Variants in ARHGAP18 observed in about 807,000 individuals in gnomAD.
ARHGAP18 encodes rho GTPase-activating protein 18.
Under a neutral mutation model 86.2 loss-of-function variants are expected in ARHGAP18, and 67 were observed. That is an observed-to-expected ratio of 0.78 (90% CI 0.64 to 0.95). The LOEUF is 0.95. ARHGAP18 is among the 40% of genes least tolerant of loss of function. ARHGAP18 has a pLI of 0.00. For missense variants in ARHGAP18, 691 were observed against 780.4 expected, an observed-to-expected ratio of 0.89 and a Z score of 1.37; for synonymous variants, 283 against 280.4, an observed-to-expected ratio of 1.01 and a Z score of -0.09.
intron 5 of ARHGAP18, among the ~76,000 whole-genome samples, chr6:129,628,980 T>C (rs1258345977): frequency 6.6e-6 from 1 of 152,172 alleles, no homozygotes; most frequent in Non-Finnish European, 1.5e-5. Flanking sequence ...AAAGAGGTTA[T>C]AAAATATTAA....
intron 12 of ARHGAP18, chr6:129,598,873 T>C (rs965838079): frequency 1.3e-5 from 2 of 158,720 alleles, no homozygotes; most frequent in African/African-American, 4.8e-5. Context: ...TTACTCACTA[T>C]AGATTATATA....
chr6:129,683,055 CTTTTTTT>C (rs199633610), intron 1 of ARHGAP18, among the ~76,000 whole-genome samples: 2 of 139,090 alleles, frequency 1.4e-5, no homozygotes, highest in Non-Finnish European at 3.1e-5. Flanking sequence ...TTTGTTTTTT[CTTTTTTT>C]TTTTTTGTTT....
chr6:129,590,605 C>T (rs946868169), intron 12 of ARHGAP18, among the ~76,000 whole-genome samples: 7 of 152,140 alleles, frequency 4.6e-5, no homozygotes, highest in African/African-American at 1.7e-4. Flanking sequence ...GAGGTTAAGC[C>T]ACCTTTGAGC....
chr6:129,680,994 C>T (rs1392323712), intron 1 of ARHGAP18, among the ~76,000 whole-genome samples: 1 of 152,202 alleles, frequency 6.6e-6, no homozygotes, highest in Admixed American at 6.5e-5. Flanking sequence ...CCTGACTCGC[C>T]TCCTTCTCTA....
rs542904850 is a variant in ARHGAP18 at position 129,586,453 on chromosome 6, G to A, written c.1714-2341C>T. ...TTACTATTGTGGAGGGACTTGAACG[G>A]CAGGCTAGAGTTTACAGATAGCCAT... is the stretch of plus-strand genomic sequence containing the variant. On this transcript the variant is annotated intron_variant, in intron 12 of 14. Coordinates refer to ENST00000368149, the MANE Select transcript of ARHGAP18 (RefSeq NM_033515.3). Among the ~76,000 whole-genome samples, 7 of 152,110 alleles carry A rather than the reference G, an allele frequency of 4.6e-5. No homozygotes were observed. The East Asian group carries it at 9.7e-4, about 21-fold the overall frequency.
At chr6:129,625,458 T>A (rs796626917) in intron 5 of ARHGAP18, among the ~76,000 whole-genome samples, 5 of 37,436 alleles carry the variant, frequency 1.3e-4, no homozygotes, top group South Asian at 1.5e-3. Context: ...TATTATATAT[T>A]ATATATAATA....
At chr6:129,621,321 G>A (rs183618787) in intron 5 of ARHGAP18, among the ~76,000 whole-genome samples, 1 of 152,160 alleles carries the variant, frequency 6.6e-6, no homozygotes, top group Non-Finnish European at 1.5e-5. Context: ...TCAAAAGAGA[G>A]CCTTCAAGTC....
At position 129,600,774 on chromosome 6, in the gene ARHGAP18, C is replaced by G. The variant is rs754390011; in HGVS notation, c.1440G>C (p.Met480Ile). The change falls in exon 11 of 15, where the codon ATG becomes ATC. Residue 480 changes from methionine to isoleucine, a missense_variant. By Grantham distance (10) the Met-to-Ile change is conservative (BLOSUM62 1). Coordinates refer to ENST00000368149, the MANE Select transcript of ARHGAP18 (RefSeq NM_033515.3). ...KNKMTVMNVA[M>I]VMAPNLFMCH... ...ACATAAAGAGATTCGGGGCCATGAC[C>G]ATTGCTACATTCATGACTGTCATTT... 6.2e-7 allele frequency: 1 copy of G among 1,613,632 alleles called. No individual in the cohort carries two copies. Among genetic ancestry groups the G allele is most frequent in the South Asian group, 1.1e-5 (1 of 91,066 alleles).
In ARHGAP18 at chr6:129,641,816, C is replaced by G; in HGVS notation, c.316G>C (p.Glu106Gln). The change falls in exon 2 of 15, where the codon GAG becomes CAG. Residue 106 changes from glutamate to glutamine, a missense_variant and splice_region_variant. Physicochemically the swap from Glu to Gln is conservative, Grantham distance 29 (BLOSUM62 2). Transcript: ENST00000368149. ...QEVVVVKEPD[E>Q]GELEEEWLKE... is the part of the protein sequence containing the mutation. ...AAAGCTTTATTTAGTTAGTTATTAC[C>G]ATCAGGCTCTTTGACAACAACCACC... is the stretch of plus-strand genomic sequence containing the variant. The G allele has an allele frequency of 2.5e-6, 4 of 1,611,568 alleles. No individual in the cohort carries two copies. The highest frequency in any genetic ancestry group is 3.4e-6 in the Non-Finnish European group (4 of 1,178,492).
chr6:129,690,371 G>C (rs1018823344), intron 1 of ARHGAP18, among the ~76,000 whole-genome samples: 10 of 152,262 alleles, frequency 6.6e-5, no homozygotes, highest in Admixed American at 3.9e-4. Flanking sequence ...TTAAACAAAA[G>C]TGGTAGATTA....
chr6:129,576,320 G>C lies in ARHGAP18; in HGVS notation c.*2193C>G, dbSNP rs1165632522. On this transcript the variant is annotated 3_prime_UTR_variant, in exon 15 of 15. Transcript: ENST00000368149. ...AAGTTTTTTTTCTCTTTAGAGCCAGGCATGGTGGCATGCACCTGTGGTCCT... is the reference window on the plus strand; with the variant it reads ...AAGTTTTTTTTCTCTTTAGAGCCAGCCATGGTGGCATGCACCTGTGGTCCT... The C allele has an allele frequency of 1.3e-5, 2 of 152,040 alleles. No individual in the cohort carries two copies. The highest frequency in any genetic ancestry group is 2.9e-5 in the Non-Finnish European group (2 of 67,998). The allele number at this position is 152,040 out of a possible 1,614,324, so 9.4% of individuals were successfully genotyped here.
chr6:129,608,542 C>T (rs1788906105), intron 8 of ARHGAP18, among the ~76,000 whole-genome samples: 1 of 152,064 alleles, frequency 6.6e-6, no homozygotes. Context: ...ATGGAAAACC[C>T]AATTTTATAG....
chr6:129,681,365 C>G (rs565478226), intron 1 of ARHGAP18, among the ~76,000 whole-genome samples: 1 of 152,194 alleles, frequency 6.6e-6, no homozygotes, highest in East Asian at 1.9e-4. Context: ...CGTGAGCCAC[C>G]GCGCCCAGCT....
intron 1 of ARHGAP18, among the ~76,000 whole-genome samples, chr6:129,671,156 A>G (rs1273776105): frequency 6.6e-6 from 1 of 152,202 alleles, no homozygotes; most frequent in Non-Finnish European, 1.5e-5. Context: ...TTATCTATAC[A>G]TAATCCTGTG....
At chr6:129,626,173 G>C (rs1220821986) in intron 5 of ARHGAP18, among the ~76,000 whole-genome samples, 1 of 146,226 alleles carries the variant, frequency 6.8e-6, no homozygotes, top group East Asian at 2.0e-4. Context: ...AATAAATTAT[G>C]ATACATCTGT....
rs1788211361 is a variant in ARHGAP18, at chr6:129,577,877, T to C, written c.*636A>G. 6.6e-6 allele frequency: 1 copy of C among 152,170 alleles called. No individual in the cohort carries two copies. Among genetic ancestry groups the C allele is most frequent in the African/African-American group, 2.4e-5 (1 of 41,436 alleles). 9.4% of individuals were successfully genotyped at this position (152,170 alleles called of 1,614,324 possible). On this transcript the variant is annotated 3_prime_UTR_variant, in exon 15 of 15. Transcript: ENST00000368149. ...ACAGTCCTATTTTCTTGGTCGCTGA[T>C]ACGGTTCTGTGAACATAAGTCAGAT...
intron 6 of ARHGAP18, 37 bp from the exon 7 acceptor site, chr6:129,616,340 A>T: frequency 3.4e-6 from 5 of 1,471,388 alleles, no homozygotes; most frequent in Non-Finnish European, 4.7e-6. Context: ...CACTTTTGTC[A>T]ATCTATAAAA....
chr6:129,613,462 C>T (rs1789025726), intron 7 of ARHGAP18, among the ~76,000 whole-genome samples: 1 of 152,046 alleles, frequency 6.6e-6, no homozygotes, highest in Non-Finnish European at 1.5e-5. Flanking sequence ...GTTTCTAGTC[C>T]TATTAACAAA....
intron 5 of ARHGAP18, among the ~76,000 whole-genome samples, chr6:129,620,812 CA>C (rs1789211900): frequency 6.6e-6 from 1 of 152,258 alleles, no homozygotes; most frequent in Non-Finnish European, 1.5e-5. Context: ...AATATCCTTC[CA>C]AAAAGTTCAG....
Sources: allele counts gnomAD v4.1 joint callset (sites outside exome capture counted in the v4.1 genomes callset), GRCh38; gene constraint gnomAD v4.1.1; transcripts MANE v1.5; gene names NCBI Gene and HGNC (gene_info 2026-07-23, HGNC 2026-07-21).